PPARGC1A: variants seen among roughly 807,000 people sequenced by gnomAD.
The protein encoded by PPARGC1A is PPARG coactivator 1 alpha.
A neutral mutation model predicts 88.7 loss-of-function variants in PPARGC1A; 25 were observed. The observed-to-expected ratio is 0.28, with a 90% CI of 0.21 to 0.39. The LOEUF (loss-of-function observed/expected upper bound fraction) is 0.39, where lower values mean the gene tolerates loss of function less well. PPARGC1A is among the 10% of genes least tolerant of loss of function. PPARGC1A has a pLI of 1.00. For missense variants in PPARGC1A, 880 were observed against 968.7 expected, an observed-to-expected ratio of 0.91 and a Z score of 1.22; for synonymous variants, 363 against 355.6, an observed-to-expected ratio of 1.02 and a Z score of -0.24.
At chr4:23,939,808 A>G in the PPARGC1A span, among the ~76,000 whole-genome samples, 1 of 152,304 alleles carries the variant, frequency 6.6e-6, no homozygotes, top group Admixed American at 6.5e-5. Flanking sequence ...AGGTTTATCT[A>G]CAAGAACAAT....
the PPARGC1A span, among the ~76,000 whole-genome samples, chr4:23,933,708 C>A: frequency 6.6e-6 from 1 of 152,194 alleles, no homozygotes; most frequent in Non-Finnish European, 1.5e-5. Context: ...TATAAATCAT[C>A]CCTGCCCACT....
At chr4:23,989,311 T>C in the PPARGC1A span, among the ~76,000 whole-genome samples, 1 of 151,984 alleles carries the variant, frequency 6.6e-6, no homozygotes, top group Non-Finnish European at 1.5e-5. Flanking sequence ...ATCATTTTCT[T>C]GACAGATTTT....
At chr4:24,321,011 G>GCTGCA in the PPARGC1A span, among the ~76,000 whole-genome samples, 3 of 151,294 alleles carry the variant, frequency 2.0e-5, no homozygotes, top group Non-Finnish European at 4.4e-5. Flanking sequence ...CCGAGTCCCA[G>GCTGCA]CTGCACTAAT....
chr4:24,327,286 T>C, the PPARGC1A span, among the ~76,000 whole-genome samples: 1 of 152,240 alleles, frequency 6.6e-6, no homozygotes, highest in Admixed American at 6.5e-5. Flanking sequence ...TACTATCTTC[T>C]GTCTAGTCAT....
At chr4:23,995,401 GTCT>G in the PPARGC1A span, among the ~76,000 whole-genome samples, 2 of 152,090 alleles carry the variant, frequency 1.3e-5, no homozygotes, top group Non-Finnish European at 2.9e-5. Flanking sequence ...CCAAAATATT[GTCT>G]TCTTCTAAAG....
chr4:24,249,248 T>C, the PPARGC1A span, among the ~76,000 whole-genome samples: 2 of 151,754 alleles, frequency 1.3e-5, no homozygotes, highest in African/African-American at 4.8e-5. Flanking sequence ...GAAAGAAAAA[T>C]AGCTATGAAG....
At chr4:24,273,885 C>T in the PPARGC1A span, among the ~76,000 whole-genome samples, 1 of 151,790 alleles carries the variant, frequency 6.6e-6, no homozygotes, top group South Asian at 2.1e-4. Flanking sequence ...CACCCGCCAC[C>T]ACGCCCAGCT....
At chr4:24,309,263 C>A in the PPARGC1A span, among the ~76,000 whole-genome samples, 18 of 152,044 alleles carry the variant, frequency 1.2e-4, no homozygotes, top group Non-Finnish European at 1.9e-4. Flanking sequence ...GGCAAGGTAG[C>A]TTTAAGAAGG....
chr4:23,879,136 A>G (rs1447722655), intron 2 of PPARGC1A, among the ~76,000 whole-genome samples: 1 of 152,224 alleles, frequency 6.6e-6, no homozygotes, highest in Non-Finnish European at 1.5e-5. Flanking sequence ...ACATAACAAA[A>G]AAGAATTTAT....
chr4:24,094,939 T>G, the PPARGC1A span, among the ~76,000 whole-genome samples: 4 of 152,130 alleles, frequency 2.6e-5, no homozygotes, highest in African/African-American at 9.7e-5. Context: ...GAACTCTAAG[T>G]CTTTTATTTC....
chr4:24,307,553 C>A, the PPARGC1A span, among the ~76,000 whole-genome samples: 1 of 152,028 alleles, frequency 6.6e-6, no homozygotes, highest in Non-Finnish European at 1.5e-5. Context: ...CTTAGCTATC[C>A]CCAAAATAAG....
chr4:24,152,652 A>G, the PPARGC1A span, among the ~76,000 whole-genome samples: 46 of 152,360 alleles, frequency 3.0e-4, no homozygotes, highest in Non-Finnish European at 3.8e-4. Context: ...AGTAACTTCC[A>G]ATCACTACGA....
At chr4:24,265,089 T>C in the PPARGC1A span, among the ~76,000 whole-genome samples, 2 of 152,190 alleles carry the variant, frequency 1.3e-5, no homozygotes, top group African/African-American at 2.4e-5. Context: ...CATGGAAAAC[T>C]CCCATGTGAC....
the PPARGC1A span, among the ~76,000 whole-genome samples, chr4:23,930,825 T>A: frequency 6.6e-6 from 1 of 152,210 alleles, no homozygotes; most frequent in Non-Finnish European, 1.5e-5. Flanking sequence ...TCCCCTATAA[T>A]CTGTCCCATG....
chr4:24,231,280 T>C, the PPARGC1A span, among the ~76,000 whole-genome samples: 3 of 152,226 alleles, frequency 2.0e-5, no homozygotes, highest in Non-Finnish European at 4.4e-5. Context: ...ACGCGGTAGT[T>C]GGGACCAGGA....
chr4:24,195,187 G>A, the PPARGC1A span, among the ~76,000 whole-genome samples: 1 of 152,236 alleles, frequency 6.6e-6, no homozygotes, highest in African/African-American at 2.4e-5. Context: ...TCAAATCCCA[G>A]CTCTGTTAAC....
the PPARGC1A span, among the ~76,000 whole-genome samples, chr4:24,358,226 A>T: frequency 1.3e-5 from 2 of 152,214 alleles, no homozygotes; most frequent in Non-Finnish European, 2.9e-5. Context: ...CTGACCCCAA[A>T]GTCTAAGCTC....
chr4:24,461,184 A>G, the PPARGC1A span, among the ~76,000 whole-genome samples: 1 of 152,214 alleles, frequency 6.6e-6, no homozygotes, highest in African/African-American at 2.4e-5. Context: ...TCAGCCTCCC[A>G]AACGCTAGGA....
chr4:24,012,483 G>A, the PPARGC1A span, among the ~76,000 whole-genome samples: 1 of 152,012 alleles, frequency 6.6e-6, no homozygotes, highest in African/African-American at 2.4e-5. Flanking sequence ...CAGCCCATCT[G>A]AATTGTACAC....
Sources: allele counts gnomAD v4.1 joint callset (sites outside exome capture counted in the v4.1 genomes callset), GRCh38; gene constraint gnomAD v4.1.1; transcripts MANE v1.5; gene names NCBI Gene and HGNC (gene_info 2026-07-23, HGNC 2026-07-21).